The following LAMA2 variants were observed in gnomAD, a reference collection of about 807,000 sequenced individuals.
LAMA2 encodes the protein laminin subunit alpha 2.
LAMA2 carries 269 observed loss-of-function variants against 364.8 expected under a neutral mutation model. The observed-to-expected ratio is 0.74, with a 90% confidence interval of 0.67 to 0.82. The LOEUF is 0.82. Ranked by LOEUF, LAMA2 falls within the 40% of genes least tolerant of loss-of-function variation. The pLI, the probability that LAMA2 is intolerant of heterozygous loss-of-function variation, is 0.00. For synonymous variants in LAMA2, 1,379 were observed against 1,370.6 expected (o/e 1.01, Z -0.14); for missense variants, 3,807 against 3,873.2 (o/e 0.98, Z 0.45).
intron 37 of LAMA2, among the ~76,000 whole-genome samples, chr6:129,397,625 C>A (rs1779725212): frequency 6.6e-6 from 1 of 152,092 alleles, no homozygotes; most frequent in African/African-American, 2.4e-5. Context: ...AGTATCTAAT[C>A]TGAAAACAAG....
At chr6:128,897,382 G>T (rs961529590) in intron 1 of LAMA2, among the ~76,000 whole-genome samples, 4 of 151,982 alleles carry the variant, frequency 2.6e-5, no homozygotes, top group African/African-American at 9.7e-5. Flanking sequence ...TCTTAACTGT[G>T]TCAGGCATGC....
chr6:128,986,525 T>A (rs937479564), intron 1 of LAMA2, among the ~76,000 whole-genome samples: 1 of 152,172 alleles, frequency 6.6e-6, no homozygotes, highest in African/African-American at 2.4e-5. Flanking sequence ...TAATTTCATA[T>A]TTGTATCTTT....
At chr6:129,064,853 A>G (rs1042896581) in intron 3 of LAMA2, among the ~76,000 whole-genome samples, 5 of 152,172 alleles carry the variant, frequency 3.3e-5, no homozygotes, top group African/African-American at 4.8e-5. Flanking sequence ...ACTAATACCA[A>G]TCCTTCTCAA....
chr6:129,405,128 A>G (rs1562534211), intron 40 of LAMA2, among the ~76,000 whole-genome samples: 2 of 152,088 alleles, frequency 1.3e-5, no homozygotes, highest in African/African-American at 2.4e-5. Context: ...ATAATTTTCT[A>G]TTTTAAAGAC....
At chr6:129,448,015 T>C (rs1782477234) in intron 45 of LAMA2, among the ~76,000 whole-genome samples, 1 of 152,182 alleles carries the variant, frequency 6.6e-6, no homozygotes, top group Non-Finnish European at 1.5e-5. Flanking sequence ...AGGCTGGGCA[T>C]GGTGGCTCAA....
intron 17 of LAMA2, among the ~76,000 whole-genome samples, chr6:129,279,372 C>G (rs567405706): frequency 6.6e-6 from 1 of 152,248 alleles, no homozygotes; most frequent in Admixed American, 6.5e-5. Context: ...GTGTTCAGCT[C>G]TATTGCTTCA....
intron 41 of LAMA2, among the ~76,000 whole-genome samples, chr6:129,432,284 G>T (rs1051064499): frequency 1.3e-5 from 2 of 152,120 alleles, no homozygotes; most frequent in African/African-American, 2.4e-5. Context: ...AAACCAGGGT[G>T]GACTTCCATT....
At chr6:128,951,819 T>G (rs966256984) in intron 1 of LAMA2, among the ~76,000 whole-genome samples, 2 of 152,228 alleles carry the variant, frequency 1.3e-5, no homozygotes, top group Non-Finnish European at 2.9e-5. Flanking sequence ...TTTTATTTAT[T>G]TATTTTTAAA....
chr6:129,098,026 T>G lies in LAMA2; in HGVS notation c.397-147T>G. 2 of 957,862 alleles carry G rather than the reference T, an allele frequency of 2.1e-6. 1 individual carries two copies. The highest frequency in any genetic ancestry group is 2.9e-5 in the South Asian group (2 of 68,110). 59.3% of individuals were successfully genotyped at this position (957,862 alleles called of 1,614,324 possible). A position where few individuals can be genotyped will look rare whatever the true frequency, so the allele number is the denominator to read the frequency against. On this transcript the variant is annotated intron_variant, in intron 3 of 64. Coordinates refer to ENST00000421865, the MANE Select transcript of LAMA2 (RefSeq NM_000426.4). ...CAAAAAATTATTAGATATGAACCTG[T>G]AATAGTAAAATCATTTCAGAGAACA... is the stretch of plus-strand genomic sequence containing the variant.
At chr6:129,130,885 G>T (rs966170682) in intron 4 of LAMA2, among the ~76,000 whole-genome samples, 7 of 152,134 alleles carry the variant, frequency 4.6e-5, no homozygotes, top group African/African-American at 1.7e-4. Flanking sequence ...AAATGAAACA[G>T]TTTTGTTGCC....
chr6:128,907,818 T>G (rs1449181191), intron 1 of LAMA2, among the ~76,000 whole-genome samples: 2 of 152,202 alleles, frequency 1.3e-5, no homozygotes, highest in African/African-American at 4.8e-5. Flanking sequence ...CATCAATACC[T>G]AATTTATTGA....
At chr6:129,071,141 T>G (rs1385844519) in intron 3 of LAMA2, among the ~76,000 whole-genome samples, 1 of 152,238 alleles carries the variant, frequency 6.6e-6, no homozygotes, top group African/African-American at 2.4e-5. Flanking sequence ...TCTTATATTT[T>G]CAGTTTAGTT....
chr6:129,079,567 C>A (rs376061535), intron 3 of LAMA2, among the ~76,000 whole-genome samples: 1 of 133,508 alleles, frequency 7.5e-6, no homozygotes, highest in Non-Finnish European at 1.6e-5. Flanking sequence ...TTTTTTTTTT[C>A]TTTTTAAATA....
At position 129,452,994 on chromosome 6, in the gene LAMA2, G is replaced by T; in HGVS notation, c.6436G>T (p.Val2146Leu). The T allele has an allele frequency of 1.2e-6, 2 of 1,612,360 alleles. No homozygotes were observed. The highest frequency in any genetic ancestry group is 2.2e-5 in the South Asian group (2 of 91,022). Residue 2146 changes from valine to leucine, a missense_variant, in exon 46 of 65, where the codon GTA becomes TTA. Coordinates refer to ENST00000421865, the MANE Select transcript of LAMA2 (RefSeq NM_000426.4). ...QARKQANSIK[V>L]SVSSGGDCIR... ...TATCTTGTTTTTTTTAAAGATCAAA[G>T]TATCTGTGTCTTCAGGAGGTGACTG...
At chr6:129,437,865 C>G (rs568547391) in intron 41 of LAMA2, among the ~76,000 whole-genome samples, 1 of 151,880 alleles carries the variant, frequency 6.6e-6, no homozygotes, top group East Asian at 1.9e-4. Flanking sequence ...AAATTTTACT[C>G]TTTATATTGT....
chr6:129,087,509 A>G (rs915460218), intron 3 of LAMA2, among the ~76,000 whole-genome samples: 3 of 152,108 alleles, frequency 2.0e-5, no homozygotes, highest in African/African-American at 7.2e-5. Context: ...TTAACCTTCC[A>G]TTTTAGGCAA....
chr6:129,364,367 C>T (rs950337638), intron 32 of LAMA2, among the ~76,000 whole-genome samples: 3 of 152,192 alleles, frequency 2.0e-5, no homozygotes, highest in South Asian at 4.2e-4. Context: ...CTCCAATTCT[C>T]GGTATTTTCC....
At chr6:129,091,727 T>C (rs1287300818) in intron 3 of LAMA2, among the ~76,000 whole-genome samples, 1 of 152,202 alleles carries the variant, frequency 6.6e-6, no homozygotes, top group Non-Finnish European at 1.5e-5. Context: ...TTATTCTAGG[T>C]TTATTGAAGT....
chr6:128,970,971 A>G (rs559119787), intron 1 of LAMA2, among the ~76,000 whole-genome samples: 1 of 152,242 alleles, frequency 6.6e-6, no homozygotes, highest in East Asian at 1.9e-4. Context: ...GGAAGATAAG[A>G]AAAGGGGGCC....
Sources: allele counts gnomAD v4.1 joint callset (sites outside exome capture counted in the v4.1 genomes callset), GRCh38; gene constraint gnomAD v4.1.1; transcripts MANE v1.5; gene names NCBI Gene and HGNC (gene_info 2026-07-23, HGNC 2026-07-21).